Variants in SSBP2 observed in about 807,000 individuals in gnomAD.
SSBP2 encodes single-stranded DNA-binding protein 2.
A neutral mutation model predicts 61.8 loss-of-function variants in SSBP2; 17 were observed. The ratio of observed to expected loss-of-function variants is 0.28; its 90% CI spans 0.19 to 0.41. The LOEUF (loss-of-function observed/expected upper bound fraction) is 0.41, where lower values mean the gene tolerates loss of function less well. Ranked by LOEUF, SSBP2 falls within the 10% of genes least tolerant of loss-of-function variation. SSBP2 has a pLI of 1.00. For missense variants in SSBP2, 310 were observed against 458.7 expected (o/e 0.68, Z 2.96); for synonymous variants, 139 against 141.3 (o/e 0.98, Z 0.12).
chr5:81,532,296 A>G (rs1770479149), intron 4 of SSBP2, among the ~76,000 whole-genome samples: 1 of 152,108 alleles, frequency 6.6e-6, no homozygotes, highest in Admixed American at 6.6e-5. Flanking sequence ...TAAAACTACC[A>G]TCTTCAAACT....
chr5:81,627,126 A>T (rs1251798369), intron 3 of SSBP2, among the ~76,000 whole-genome samples: 5 of 152,222 alleles, frequency 3.3e-5, no homozygotes, highest in Non-Finnish European at 7.4e-5. Context: ...TTTCTAATTA[A>T]CTTGAGTAAC....
intron 4 of SSBP2, among the ~76,000 whole-genome samples, chr5:81,589,823 A>G (rs188953799): frequency 1.3e-4 from 20 of 152,272 alleles, no homozygotes; most frequent in African/African-American, 4.1e-4. Flanking sequence ...TTGCTGCAAC[A>G]TAACATGGCA....
intron 10 of SSBP2, among the ~76,000 whole-genome samples, chr5:81,457,278 A>AG (rs1764226988): frequency 6.6e-6 from 1 of 152,268 alleles, no homozygotes; most frequent in African/African-American, 2.4e-5. Flanking sequence ...CACAGAATAA[A>AG]ATAATTCATG....
chr5:81,511,569 C>T (rs1182456267), intron 5 of SSBP2, among the ~76,000 whole-genome samples: 2 of 152,126 alleles, frequency 1.3e-5, no homozygotes, highest in East Asian at 1.9e-4. Context: ...GATGCAGTCA[C>T]GCTTTTGTTT....
chr5:81,672,065 A>G (rs1751615468), intron 1 of SSBP2, among the ~76,000 whole-genome samples: 1 of 152,180 alleles, frequency 6.6e-6, no homozygotes, highest in Non-Finnish European at 1.5e-5. Flanking sequence ...AATATGCAAA[A>G]GAAAGATTTT....
intron 5 of SSBP2, among the ~76,000 whole-genome samples, chr5:81,503,953 A>G (rs1767989082): frequency 6.6e-6 from 1 of 152,158 alleles, no homozygotes; most frequent in Admixed American, 6.5e-5. Context: ...ATGGACCCAA[A>G]GAGGGAAGAA....
rs147574846 is a variant in SSBP2 at position 81,454,716 on chromosome 5, A to G, written c.688-5891T>C. On this transcript the variant is annotated intron_variant, in intron 10 of 16. Coordinates refer to ENST00000320672, the MANE Select transcript of SSBP2 (RefSeq NM_012446.5). Reference sequence around the variant, plus strand: ...AATAGAACAATAAATAAAAATAAAAAAGAGAGAGAGAGAATAGACAGAAGG... The same window carrying G: ...AATAGAACAATAAATAAAAATAAAAGAGAGAGAGAGAGAATAGACAGAAGG... Among the ~76,000 whole-genome samples, 61 of 151,922 alleles carry G rather than the reference A, an allele frequency of 4.0e-4. No individual in the cohort carries two copies. In the East Asian group the frequency reaches 9.3e-3, roughly 23 times the overall value.
chr5:81,739,980 C>G (rs1756899970), intron 1 of SSBP2, among the ~76,000 whole-genome samples: 1 of 152,140 alleles, frequency 6.6e-6, no homozygotes, highest in African/African-American at 2.4e-5. Context: ...AATGATCACT[C>G]TTGTCGATTA....
chr5:81,725,555 T>G lies in SSBP2; in HGVS notation c.62+25426A>C, dbSNP rs186844858. 6.6e-4 allele frequency among the ~76,000 whole-genome samples: 101 copies of G among 152,194 alleles called. No homozygotes were observed. The Middle Eastern group carries it at 0.01, about 15-fold the overall frequency. ...CCAAAAGCCCATAAGAGGACATGTA[T>G]GAAAATGAAAATCAAAGTTGTCTGT... On this transcript the variant is annotated intron_variant, in intron 1 of 16. Transcript: ENST00000320672.
intron 1 of SSBP2, among the ~76,000 whole-genome samples, chr5:81,694,539 A>G (rs433366): frequency 0.77 from 117,398 of 151,734 alleles, 47,015 homozygotes; most frequent in African/African-American, 0.95. Flanking sequence ...TGGCTTTAGA[A>G]GTTTTTTTTT....
chr5:81,566,364 T>C (rs1031204594), intron 4 of SSBP2, among the ~76,000 whole-genome samples: 1 of 152,170 alleles, frequency 6.6e-6, no homozygotes, highest in Non-Finnish European at 1.5e-5. Context: ...CTCATACTGT[T>C]CTTGTGGTAG....
At chr5:81,545,949 C>T (rs1756025912) in intron 4 of SSBP2, among the ~76,000 whole-genome samples, 2 of 152,154 alleles carry the variant, frequency 1.3e-5, no homozygotes, top group Non-Finnish European at 2.9e-5. Context: ...ATTTCCTTCC[C>T]TTCCTTTTCC....
intron 1 of SSBP2, among the ~76,000 whole-genome samples, chr5:81,694,295 T>C (rs910405895): frequency 1.3e-5 from 2 of 152,198 alleles, no homozygotes; most frequent in African/African-American, 4.8e-5. Flanking sequence ...CAATTTATTG[T>C]ACATTTTAAA....
At chr5:81,620,525 C>G (rs1103420) in intron 3 of SSBP2, among the ~76,000 whole-genome samples, 30,552 of 127,214 alleles carry the variant, frequency 0.24, 4,866 homozygotes, top group East Asian at 0.69. Flanking sequence ...AATGGCCATA[C>G]TGCCCAAGGT....
intron 4 of SSBP2, among the ~76,000 whole-genome samples, chr5:81,574,844 C>T (rs1774087667): frequency 6.6e-6 from 1 of 152,026 alleles, no homozygotes; most frequent in South Asian, 2.1e-4. Context: ...AAAACATCCC[C>T]CTCCCTCAAA....
intron 4 of SSBP2, among the ~76,000 whole-genome samples, chr5:81,564,743 T>C (rs1773297875): frequency 6.6e-6 from 1 of 152,192 alleles, no homozygotes. Context: ...GTATCAGAAA[T>C]CAAGAGAAAG....
intron 5 of SSBP2, among the ~76,000 whole-genome samples, chr5:81,494,628 G>A (rs1038743048): frequency 3.9e-5 from 6 of 152,144 alleles, no homozygotes; most frequent in Non-Finnish European, 7.4e-5. Context: ...CAAATTGGCT[G>A]GCACCTTGAT....
At chr5:81,689,907 A>T (rs1392656762) in intron 1 of SSBP2, among the ~76,000 whole-genome samples, 1 of 152,132 alleles carries the variant, frequency 6.6e-6, no homozygotes, top group African/African-American at 2.4e-5. Flanking sequence ...CTCAAGATGT[A>T]GACAGTACAA....
chr5:81,469,263 A>T (rs916898784), intron 8 of SSBP2, among the ~76,000 whole-genome samples: 4 of 151,904 alleles, frequency 2.6e-5, no homozygotes, highest in Non-Finnish European at 5.9e-5. Context: ...TAAAGTGATA[A>T]TATTATCTCC....
Sources: gnomAD v4.1 joint callset for allele counts (sites outside exome capture counted in the v4.1 genomes callset) on GRCh38, gnomAD v4.1.1 for gene constraint, MANE v1.5 for transcripts, NCBI Gene and HGNC (gene_info 2026-07-23, HGNC 2026-07-21) for gene names.